The following SHB variants were observed in gnomAD, a reference collection of about 807,000 sequenced individuals.
SHB encodes the protein SH2 domain containing adaptor protein B.
A neutral mutation model predicts 52.3 loss-of-function variants in SHB; 20 were observed. That is an observed-to-expected ratio of 0.38 (90% CI 0.27 to 0.56). The LOEUF (loss-of-function observed/expected upper bound fraction) is 0.56, where lower values mean the gene tolerates loss of function less well. SHB is among the 20% of genes least tolerant of loss of function. The pLI is 0.71. For missense variants in SHB, 825 were observed against 723.3 expected (o/e 1.14, Z -1.61); for synonymous variants, 397 against 316.5 (o/e 1.25, Z -2.70).
intron 1 of SHB, among the ~76,000 whole-genome samples, chr9:38,047,806 G>A (rs1277646065): frequency 6.6e-6 from 1 of 152,246 alleles, no homozygotes; most frequent in Admixed American, 6.5e-5. Context: ...AAACAAGGGT[G>A]TGAGTTGCAG....
At chr9:37,960,196 G>A (rs943837451) in intron 3 of SHB, among the ~76,000 whole-genome samples, 4 of 152,182 alleles carry the variant, frequency 2.6e-5, no homozygotes, top group Non-Finnish European at 5.9e-5. Context: ...AACTCCAAGT[G>A]CAGTGATTCG....
At chr9:38,004,541 A>C (rs1821057114) in intron 2 of SHB, among the ~76,000 whole-genome samples, 1 of 152,232 alleles carries the variant, frequency 6.6e-6, no homozygotes, top group Non-Finnish European at 1.5e-5. Flanking sequence ...AGCTGAAGGC[A>C]GGCATGATGA....
chr9:38,003,981 G>A (rs568217407), intron 2 of SHB, among the ~76,000 whole-genome samples: 12 of 152,206 alleles, frequency 7.9e-5, no homozygotes, highest in South Asian at 4.1e-4. Flanking sequence ...GAGCTGGCCC[G>A]GGGGATCTAT....
intron 2 of SHB, among the ~76,000 whole-genome samples, chr9:37,985,298 A>G (rs1047032612): frequency 6.6e-6 from 1 of 152,234 alleles, no homozygotes; most frequent in African/African-American, 2.4e-5. Context: ...GTACAAGGAC[A>G]GGGTCTTCTC....
chr9:37,974,817 C>T lies in SHB; in HGVS notation c.859G>A (p.Val287Ile), dbSNP rs540623709. The T allele has an allele frequency of 6.2e-7, 1 of 1,614,128 alleles. No individual in the cohort carries two copies. The highest frequency in any genetic ancestry group is 8.5e-7 in the Non-Finnish European group (1 of 1,179,992). ...IMTEFQRQES[V>I]RSQHKGIQLY... Reference sequence around the variant, plus strand: ...TGGATACCTTTATGCTGGGACCGGACACTTTCCTGCCTCTGAAATTCTGCA... The same window carrying T: ...TGGATACCTTTATGCTGGGACCGGATACTTTCCTGCCTCTGAAATTCTGCA... The change falls in exon 3 of 6, where the codon GTC becomes ATC. Residue 287 changes from valine to isoleucine, a missense_variant. Transcript: ENST00000377707.
chr9:37,957,156 C>G (rs921820526), intron 3 of SHB, among the ~76,000 whole-genome samples: 1 of 152,186 alleles, frequency 6.6e-6, no homozygotes. Flanking sequence ...GAGGCCAGAG[C>G]CTGCAGAGGA....
At chr9:38,006,779 C>A (rs1049215830) in intron 2 of SHB, among the ~76,000 whole-genome samples, 2 of 152,210 alleles carry the variant, frequency 1.3e-5, no homozygotes, top group African/African-American at 4.8e-5. Context: ...CCAATGGCAA[C>A]CCTCAGGGCC....
chr9:37,927,600 G>A (rs1381496194), intron 5 of SHB, among the ~76,000 whole-genome samples: 1 of 152,208 alleles, frequency 6.6e-6, no homozygotes, highest in African/African-American at 2.4e-5. Flanking sequence ...AGCACACAAA[G>A]CAGTAGGTAT....
intron 5 of SHB, among the ~76,000 whole-genome samples, chr9:37,923,772 TG>T (rs1299324839): frequency 2.0e-5 from 3 of 152,128 alleles, no homozygotes; most frequent in African/African-American, 7.2e-5. Context: ...GCAAGCAGCC[TG>T]GGGGTCACCT....
chr9:38,011,840 G>C (rs1050641192), intron 2 of SHB, among the ~76,000 whole-genome samples: 2 of 152,188 alleles, frequency 1.3e-5, no homozygotes, highest in Admixed American at 1.3e-4. Flanking sequence ...CAGGTCACTA[G>C]TTCTCCAACT....
At chr9:37,987,208 A>G (rs1016260215) in intron 2 of SHB, among the ~76,000 whole-genome samples, 2 of 152,216 alleles carry the variant, frequency 1.3e-5, no homozygotes, top group African/African-American at 2.4e-5. Context: ...TTGGGCCAAC[A>G]TCGCAAAAAC....
At chr9:38,029,867 GATAA>G (rs1040403023) in intron 1 of SHB, among the ~76,000 whole-genome samples, 3 of 152,188 alleles carry the variant, frequency 2.0e-5, no homozygotes, top group Non-Finnish European at 2.9e-5. Context: ...TGAAGTATTT[GATAA>G]ATAAGTAAAT....
At chr9:38,021,210 C>T (rs1476396935) in intron 1 of SHB, among the ~76,000 whole-genome samples, 1 of 152,114 alleles carries the variant, frequency 6.6e-6, no homozygotes, top group African/African-American at 2.4e-5. Flanking sequence ...CCTGGTGGTG[C>T]ATGCCTGTAA....
intron 2 of SHB, among the ~76,000 whole-genome samples, chr9:37,980,146 C>T (rs1271890447): frequency 1.3e-5 from 2 of 152,164 alleles, no homozygotes; most frequent in Non-Finnish European, 1.5e-5. Flanking sequence ...ATAAAATTTG[C>T]CACATAGATT....
chr9:37,916,147 C>T lies in SHB; in HGVS notation c.*3674G>A, dbSNP rs559664720. On this transcript the variant is annotated 3_prime_UTR_variant, in exon 6 of 6. Transcript: ENST00000377707. ...AGTCCCCGTGGGGTTCTGGGAGGTGCGCCCACATCTAAGACTGTGCGCCCT... is the reference window on the plus strand; with the variant it reads ...AGTCCCCGTGGGGTTCTGGGAGGTGTGCCCACATCTAAGACTGTGCGCCCT... 2.0e-5 allele frequency among the ~76,000 whole-genome samples: 3 copies of T among 152,320 alleles called. No homozygotes were observed. The highest frequency in any genetic ancestry group is 6.5e-5 in the Admixed American group (1 of 15,298).
intron 2 of SHB, among the ~76,000 whole-genome samples, chr9:37,994,068 C>T (rs1046005185): frequency 4.6e-5 from 7 of 152,218 alleles, no homozygotes; most frequent in African/African-American, 1.4e-4. Context: ...GAACCATAGG[C>T]GGCTGATTGA....
chr9:37,960,130 G>A (rs1230959494), intron 3 of SHB, among the ~76,000 whole-genome samples: 1 of 152,202 alleles, frequency 6.6e-6, no homozygotes, highest in Admixed American at 6.5e-5. Flanking sequence ...AGAACAGGTG[G>A]TGATGAGTGA....
chr9:37,957,168 G>C (rs1051543898), intron 3 of SHB, among the ~76,000 whole-genome samples: 2 of 152,190 alleles, frequency 1.3e-5, no homozygotes, highest in African/African-American at 4.8e-5. Flanking sequence ...TGCAGAGGAA[G>C]GTTCCTGAAG....
intron 2 of SHB, among the ~76,000 whole-genome samples, chr9:37,992,764 C>G (rs754831733): frequency 6.6e-6 from 1 of 152,216 alleles, no homozygotes. Flanking sequence ...AACCACAGGA[C>G]CACAGGCAAG....
Sources: gnomAD v4.1 joint callset for allele counts (sites outside exome capture counted in the v4.1 genomes callset) on GRCh38, gnomAD v4.1.1 for gene constraint, MANE v1.5 for transcripts, NCBI Gene and HGNC (gene_info 2026-07-23, HGNC 2026-07-21) for gene names.